BMI1: variants seen among roughly 807,000 people sequenced by gnomAD.
BMI1 encodes the protein BMI1 proto-oncogene, polycomb ring finger, also known as polycomb complex protein BMI-1.
A neutral mutation model predicts 39.1 loss-of-function variants in BMI1; 9 were observed. The ratio of observed to expected loss-of-function variants is 0.23; its 90% CI spans 0.14 to 0.40. The LOEUF is 0.40. BMI1 is among the 10% of genes least tolerant of loss of function. The pLI is 1.00. For missense variants in BMI1, 252 were observed against 390.8 expected, an observed-to-expected ratio of 0.64 and a Z score of 2.99; for synonymous variants, 131 against 127.9, an observed-to-expected ratio of 1.02 and a Z score of -0.16.
At position 22,330,314 on chromosome 10, in the gene BMI1, A is replaced by T. The variant is rs977579641; in HGVS notation, c.*772A>T. 4 of 152,800 alleles carry T rather than the reference A, an allele frequency of 2.6e-5. No homozygotes were observed. The highest frequency in any genetic ancestry group is 9.6e-5 in the African/African-American group (4 of 41,596). 9.5% of individuals were successfully genotyped at this position (152,800 alleles called of 1,614,324 possible). A position where few individuals can be genotyped will look rare whatever the true frequency, so the allele number is the denominator to read the frequency against. Reference sequence around the variant, plus strand: ...TATAAAGAAATATTGTGTTTCATGCATTCAGAAATGATTGTTAAAATTCTC... The same window carrying T: ...TATAAAGAAATATTGTGTTTCATGCTTTCAGAAATGATTGTTAAAATTCTC... On this transcript the variant is annotated 3_prime_UTR_variant, in exon 10 of 10. Transcript: ENST00000376663.
intron 8 of BMI1, 118 bp from the exon 9 acceptor site, chr10:22,328,930 C>A: frequency 8.5e-7 from 1 of 1,172,456 alleles, no homozygotes; most frequent in Non-Finnish European, 1.2e-6. Context: ...AGGAGTCTTT[C>A]TTTGTTAAAA....
chr10:22,326,296 C>A, intron 1 of BMI1, 135 bp from the exon 2 acceptor site: 1 of 1,225,682 alleles, frequency 8.2e-7, no homozygotes, highest in East Asian at 2.6e-5. Context: ...TAAATTCCTT[C>A]TGTAGAAACG....
rs1424416908 is a variant in BMI1 at position 22,321,673 on chromosome 10, C to T, written c.-43C>T. The T allele has an allele frequency of 1.3e-5, 2 of 151,998 alleles. No homozygotes were observed. Among genetic ancestry groups the T allele is most frequent in the Admixed American group, 6.6e-5 (1 of 15,228 alleles). The allele number at this position is 151,998 out of a possible 1,614,324, so 9.4% of individuals were successfully genotyped here. ...TTGTCTTTTCCGCCCGCTTCGATCG[C>T]CTCGCGCCGGCTGCTCTTTCCGGGT... On this transcript the variant is annotated 5_prime_UTR_variant, in exon 1 of 10. Transcript: ENST00000376663.
At chr10:22,322,597 G>A (rs1340362736) in intron 1 of BMI1, among the ~76,000 whole-genome samples, 1 of 152,184 alleles carries the variant, frequency 6.6e-6, no homozygotes, top group Non-Finnish European at 1.5e-5. Context: ...ATGGTGACTG[G>A]ACGTTAGCTT....
intron 1 of BMI1, chr10:22,322,024 C>T (rs1341825947): frequency 5.4e-5 from 8 of 148,726 alleles, no homozygotes; most frequent in Non-Finnish European, 1.2e-4. Context: ...CCCGCTCAGC[C>T]CCGGCGCGCC....
chr10:22,328,471 A>G, intron 7 of BMI1, 129 bp from the exon 8 acceptor site: 1 of 876,858 alleles, frequency 1.1e-6, no homozygotes, highest in South Asian at 2.2e-5. Context: ...TCAGAGTGTA[A>G]TTAGTTGAGA....
chr10:22,322,146 C>T (rs1032189179), intron 1 of BMI1: 7 of 152,104 alleles, frequency 4.6e-5, no homozygotes, highest in Admixed American at 6.5e-5. Flanking sequence ...GCGGCTCTCC[C>T]GGCCGCAGCG....
At position 22,327,732 on chromosome 10, in the gene BMI1, C is replaced by T; in HGVS notation, c.266-10C>T. The stretch of plus-strand genomic sequence containing the variant: ...TATGCCAAATGTTTACATCTTTTTT[C>T]CCCATTCAGATGAAATGAAGAGAAG... On this transcript the variant is annotated splice_polypyrimidine_tract_variant and intron_variant, in intron 4 of 9. Coordinates refer to ENST00000376663, the MANE Select transcript of BMI1 (RefSeq NM_005180.9). 1.2e-6 allele frequency: 2 copies of T among 1,613,118 alleles called. No homozygotes were observed. Among genetic ancestry groups the T allele is most frequent in the Non-Finnish European group, 8.5e-7 (1 of 1,179,536 alleles).
At position 22,328,713 on chromosome 10, in the gene BMI1, A is replaced by G. The variant is rs112735537; in HGVS notation, c.570+15A>G. 2.8e-5 allele frequency: 43 copies of G among 1,552,122 alleles called. No individual in the cohort carries two copies. Among genetic ancestry groups the G allele is most frequent in the African/African-American group, 2.6e-4 (19 of 71,788 alleles). On this transcript the variant is annotated intron_variant, in intron 8 of 9. Coordinates refer to ENST00000376663, the MANE Select transcript of BMI1 (RefSeq NM_005180.9). ...ATACTTTCCAGGTATCTACTTTTAT[A>G]TTCTTCTTGCATTTTACATAGATTT...
chr10:22,322,055 G>A (rs1836018154), intron 1 of BMI1: 1 of 150,918 alleles, frequency 6.6e-6, no homozygotes, highest in Admixed American at 6.6e-5. Flanking sequence ...CCACGTTTTA[G>A]TTCCCCGCTC....
At position 22,329,393 on chromosome 10, in the gene BMI1, C is replaced by A; in HGVS notation, c.832C>A (p.Pro278Thr). Residue 278 changes from proline (P) to threonine (T), a missense_variant, in exon 10 of 10, where the codon CCA (proline) becomes ACA (threonine). By Grantham distance (38) the Pro-to-Thr change is conservative. Coordinates refer to ENST00000376663, the MANE Select transcript of BMI1 (RefSeq NM_005180.9). ...TSSCLPSPST[P>T]VQSPHPQFPH... is the part of the protein sequence containing the mutation. ...TTCTTGTTTGCCTAGCCCCAGTACT[C>A]CAGTGCAGTCTCCTCATCCACAGTT... 1.2e-6 allele frequency: 2 copies of A among 1,614,144 alleles called. No individual in the cohort carries two copies. The highest frequency in any genetic ancestry group is 1.7e-6 in the Non-Finnish European group (2 of 1,180,024).
At chr10:22,326,597 C>A (rs116925821) in intron 2 of BMI1, 36 bp downstream of exon 2, 2 of 1,596,420 alleles carry the variant, frequency 1.3e-6, no homozygotes, top group East Asian at 2.2e-5. Flanking sequence ...TTGTATCATG[C>A]GTATTTCACA....
Position 22,327,615 on chromosome 10 carries a change from A to G in BMI1, c.230A>G (p.Asp77Gly). 6.2e-7 allele frequency: 1 copy of G among 1,611,448 alleles called. No individual in the cohort carries two copies. Among genetic ancestry groups the G allele is most frequent in the Non-Finnish European group, 8.5e-7 (1 of 1,178,848 alleles). The part of the protein sequence containing the change: ...LNIRSDKTLQ[D>G]IVYKLVPGLF... ...TTCAGGTCAGATAAAACTCTCCAAG[A>G]TATTGTATACAAATTAGTTCCAGGG... Residue 77 changes from aspartate to glycine, a missense_variant, in exon 4 of 10, where the codon GAT becomes GGT. By Grantham distance (94) the Asp-to-Gly change is moderately conservative. Transcript: ENST00000376663.
At chr10:22,324,121 T>C (rs1192526379) in intron 1 of BMI1, among the ~76,000 whole-genome samples, 3 of 152,214 alleles carry the variant, frequency 2.0e-5, no homozygotes, top group Non-Finnish European at 4.4e-5. Context: ...CACTGAGGTT[T>C]GATTGTTCTC....
In BMI1 at chr10:22,327,303, C is replaced by A. The variant is rs185051499; in HGVS notation, c.210-292C>A. Reference sequence around the variant, plus strand: ...ATAAATATTTAAAAGGGCTTCCATTCCTCTTTATTCCCTATTCATATTAGC... The same window carrying A: ...ATAAATATTTAAAAGGGCTTCCATTACTCTTTATTCCCTATTCATATTAGC... On this transcript the variant is annotated intron_variant, in intron 3 of 9. Transcript: ENST00000376663. Among the ~76,000 whole-genome samples, 396 of 152,198 alleles carry A rather than the reference C, an allele frequency of 2.6e-3. 2 individuals are homozygous for A. Among genetic ancestry groups the A allele is most frequent in the Non-Finnish European group, 4.6e-3 (313 of 67,972 alleles).
At chr10:22,323,058 G>C (rs1295382983) in intron 1 of BMI1, among the ~76,000 whole-genome samples, 4 of 152,194 alleles carry the variant, frequency 2.6e-5, no homozygotes, top group Non-Finnish European at 5.9e-5. Context: ...GGTTGGTGGT[G>C]TGTACAACGT....
At chr10:22,327,923 A>G in intron 5 of BMI1, 27 bp from the exon 6 acceptor site, 1 of 1,583,308 alleles carries the variant, frequency 6.3e-7, no homozygotes, top group Non-Finnish European at 8.5e-7. Flanking sequence ...TGATTTTTAA[A>G]AATTACATTT....
chr10:22,331,178 T>C lies in BMI1; in HGVS notation c.*1636T>C, dbSNP rs908421413. 13 of 152,558 alleles carry C rather than the reference T, an allele frequency of 8.5e-5. No homozygotes were observed. Among genetic ancestry groups the C allele is most frequent in the Admixed American group, 7.2e-4 (11 of 15,270 alleles). The allele number at this position is 152,558 out of a possible 1,614,324, so 9.5% of individuals were successfully genotyped here. ...TAAATTTGTACAGTCCCATTGTAAG[T>C]GTTGTTTCTAATTATAGATGTAAAA... On this transcript the variant is annotated 3_prime_UTR_variant, in exon 10 of 10. Transcript: ENST00000376663.
At chr10:22,327,910 A>G (rs1296320631) in intron 5 of BMI1, 40 bp from the exon 6 acceptor site, 8 of 1,581,440 alleles carry the variant, frequency 5.1e-6, no homozygotes, top group Non-Finnish European at 6.0e-6. Flanking sequence ...TTTATTAGGC[A>G]TCTGATTTTT....
Sources: allele counts gnomAD v4.1 joint callset (sites outside exome capture counted in the v4.1 genomes callset), GRCh38; gene constraint gnomAD v4.1.1; transcripts MANE v1.5; gene names NCBI Gene and HGNC (gene_info 2026-07-23, HGNC 2026-07-21).